Variants in PDE4DIP observed in about 807,000 individuals in gnomAD.
PDE4DIP encodes phosphodiesterase 4D interacting protein, also known as myomegalin.
Under a neutral mutation model 221.4 loss-of-function variants are expected in PDE4DIP, and 59 were observed. The ratio of observed to expected loss-of-function variants is 0.27; its 90% CI spans 0.22 to 0.33. The LOEUF is 0.33. Ranked by LOEUF, PDE4DIP falls within the 10% of genes least tolerant of loss-of-function variation. PDE4DIP has a pLI of 1.00. For missense variants in PDE4DIP, 1,036 were observed against 2,154.2 expected (o/e 0.48, Z 10.28); for synonymous variants, 404 against 815.9 (o/e 0.50, Z 8.60).
Position 148,952,603 on chromosome 1 carries a change from G to T in PDE4DIP, c.637-8051G>T. 7 of 1,393,246 alleles carry T rather than the reference G, an allele frequency of 5.0e-6. No individual in the cohort carries two copies. The South Asian group carries it at 1.2e-4, about 24-fold the overall frequency. The allele number at this position is 1,393,246 out of a possible 1,614,324, so 86.3% of individuals were successfully genotyped here. A position where few individuals can be genotyped will look rare whatever the true frequency, so the allele number is the denominator to read the frequency against. ...GGCGGGGCTGACGGCTCTGGTACCC[G>T]GAGTCGGCGCGCGGGGCAGGGGCGC... On this transcript the variant is annotated intron_variant, in intron 5 of 43. Coordinates refer to ENST00000369354, the Ensembl canonical transcript of PDE4DIP.
At chr1:148,975,491 C>T (rs1228859066) in intron 17 of PDE4DIP, among the ~76,000 whole-genome samples, 10 of 151,330 alleles carry the variant, frequency 6.6e-5, no homozygotes, top group Non-Finnish European at 1.0e-4. Context: ...AATGCCAGAG[C>T]TATGATTCAA....
intron 5 of PDE4DIP, among the ~76,000 whole-genome samples, chr1:148,940,859 A>C (rs1279164475): frequency 6.6e-6 from 1 of 152,098 alleles, no homozygotes; most frequent in East Asian, 1.9e-4. Flanking sequence ...GGAAAAATTT[A>C]GTGTAAATTA....
At chr1:148,965,403 C>G (rs113069591) in intron 9 of PDE4DIP, 81 bp from the exon 13 acceptor site, 1 of 821,494 alleles carries the variant, frequency 1.2e-6, no homozygotes, top group Non-Finnish European at 2.0e-6. Flanking sequence ...GTTTATATAC[C>G]TTGAAAATTT....
chr1:149,025,380 A>G (rs1240715514), intron 38 of PDE4DIP, among the ~76,000 whole-genome samples: 1 of 151,762 alleles, frequency 6.6e-6, no homozygotes, highest in African/African-American at 2.4e-5. Flanking sequence ...CCTGCCCCTA[A>G]GGAAACAGGG....
At position 148,911,989 on chromosome 1, in the gene PDE4DIP, G is replaced by A. The variant is rs112259816; in HGVS notation, c.142-17208G>A. Among the ~76,000 whole-genome samples the A allele has an allele frequency of 2.1e-3, 301 of 146,710 alleles. 26 individuals carry two copies. The highest frequency in any genetic ancestry group is 6.5e-3 in the African/African-American group (252 of 38,878). ...ATATTCTATTGGTTAGAAATAAGTCGCAGGGCCTGCTCATACCCAAAGAGA... is the reference window on the plus strand; with the variant it reads ...ATATTCTATTGGTTAGAAATAAGTCACAGGGCCTGCTCATACCCAAAGAGA... On this transcript the variant is annotated intron_variant, in intron 1 of 43. Transcript: ENST00000369354.
exon 44 of PDE4DIP, chr1:149,032,073 A>G: frequency 1.2e-6 from 2 of 1,608,808 alleles, no homozygotes; most frequent in African/African-American, 1.3e-5. Flanking sequence ...CCTTTTGTGC[A>G]GCTACCTATC....
Position 148,912,075 on chromosome 1 carries a change from T to C in PDE4DIP, c.142-17122T>C, listed in dbSNP as rs181025358. On this transcript the variant is annotated intron_variant, in intron 1 of 43. Transcript: ENST00000369354. ...GGATCATGGGGAGCCACACGGTAGTTTGTGGACCACACTACCTTTTACTTT... is the reference window on the plus strand; with the variant it reads ...GGATCATGGGGAGCCACACGGTAGTCTGTGGACCACACTACCTTTTACTTT... Among the ~76,000 whole-genome samples, 379 of 145,796 alleles carry C rather than the reference T, an allele frequency of 2.6e-3. 1 individual carries two copies. Among genetic ancestry groups the C allele is most frequent in the African/African-American group, 9.6e-3 (368 of 38,500 alleles).
rs372102761 is a variant in PDE4DIP, at chr1:148,981,143, C to T, written c.2688-127C>T. 21 of 808,092 alleles carry T rather than the reference C, an allele frequency of 2.6e-5. No homozygotes were observed. In the East Asian group the frequency reaches 3.0e-4, roughly 11 times the overall value. 50.1% of individuals were successfully genotyped at this position (808,092 alleles called of 1,614,324 possible). On this transcript the variant is annotated intron_variant, in intron 20 of 43. Coordinates refer to ENST00000369354, the Ensembl canonical transcript of PDE4DIP. Reference sequence around the variant, plus strand: ...CAAAGACTACATTCATTTATTGTGTCCTGGAGAACAATTACTTTACAAAGT... The same window carrying T: ...CAAAGACTACATTCATTTATTGTGTTCTGGAGAACAATTACTTTACAAAGT...
chr1:148,995,780 T>G (rs2064053838), intron 22 of PDE4DIP, among the ~76,000 whole-genome samples: 1 of 151,506 alleles, frequency 6.6e-6, no homozygotes, highest in African/African-American at 2.4e-5. Flanking sequence ...GCATTTACAT[T>G]TAAAACTTAA....
chr1:148,982,070 A>AT (rs1553543980), intron 21 of PDE4DIP: 1 of 153,052 alleles, frequency 6.5e-6, no homozygotes, highest in African/African-American at 2.4e-5. Context: ...GAAAGTGATC[A>AT]TAGTCAACTT....
At chr1:148,939,726 G>A (rs1255812631) in intron 5 of PDE4DIP, 6 of 152,196 alleles carry the variant, frequency 3.9e-5, no homozygotes, top group Admixed American at 3.9e-4. Flanking sequence ...AAGCTCAACT[G>A]AGAATAAGAA....
chr1:148,862,282 G>T (rs1202352592), intron 1 of PDE4DIP, among the ~76,000 whole-genome samples: 6 of 150,552 alleles, frequency 4.0e-5, no homozygotes, highest in African/African-American at 1.5e-4. Context: ...TGTCTGTTTT[G>T]CTCACTGCTA....
rs1301430047 is a variant in PDE4DIP at position 148,820,817 on chromosome 1, C to T, written c.233+12080C>T. Among the ~76,000 whole-genome samples the T allele has an allele frequency of 2.8e-5, 4 of 143,720 alleles. No individual in the cohort carries two copies. The East Asian group carries it at 8.1e-4, about 29-fold the overall frequency. 94.3% of individuals were successfully genotyped at this position (143,720 alleles called of 152,430 possible). On this transcript the variant is annotated intron_variant, in intron 1 of 45. Coordinates refer to the PDE4DIP transcript ENST00000524974. ...CTAAATGATAATCTTGAGACCCACA[C>T]GAGGATGATCTGATTATTTATTTAT... is the stretch of plus-strand genomic sequence containing the variant.
exon 18 of PDE4DIP, chr1:148,977,976 G>A: frequency 1.2e-6 from 2 of 1,614,128 alleles, no homozygotes; most frequent in Non-Finnish European, 1.7e-6. Flanking sequence ...GGCTGTGCAG[G>A]AAGAAGAGCT....
At chr1:148,824,377 T>C (rs1350682372) in intron 1 of PDE4DIP, among the ~76,000 whole-genome samples, 1 of 149,864 alleles carries the variant, frequency 6.7e-6, no homozygotes, top group African/African-American at 2.5e-5. Context: ...AAAGAGAGCA[T>C]GCATACTCCA....
rs1350938150 is a variant in PDE4DIP at position 149,020,738 on chromosome 1, A to C, written c.5961-291A>C. 8.4e-5 allele frequency: 35 copies of C among 417,602 alleles called. No individual in the cohort carries two copies. The East Asian group carries it at 9.8e-4, about 12-fold the overall frequency. 25.9% of individuals were successfully genotyped at this position (417,602 alleles called of 1,614,324 possible). On this transcript the variant is annotated intron_variant, in intron 36 of 43. Coordinates refer to ENST00000369354, the Ensembl canonical transcript of PDE4DIP. ...AACTGCTTGTCAGAATGCAAAGAGC[A>C]CTGTAGGAACAGTAAGGAGACTGTG...
upstream of PDE4DIP, among the ~76,000 whole-genome samples, chr1:148,884,890 T>G (rs1572635994): frequency 7.0e-6 from 1 of 142,240 alleles, no homozygotes; most frequent in African/African-American, 2.6e-5. Flanking sequence ...TTTATTTTAC[T>G]TATAATCTTT....
intron 21 of PDE4DIP, among the ~76,000 whole-genome samples, chr1:148,988,101 A>G (rs782337095): frequency 1.3e-5 from 2 of 152,156 alleles, no homozygotes; most frequent in East Asian, 3.8e-4. Flanking sequence ...TGTCATTTCA[A>G]GCCTCCTGCT....
intron 1 of PDE4DIP, among the ~76,000 whole-genome samples, chr1:148,924,775 G>A (rs1167828673): frequency 1.3e-5 from 2 of 151,306 alleles, no homozygotes; most frequent in Non-Finnish European, 2.9e-5. Context: ...TTGACAAAGA[G>A]CCAAGAAGAC....
Sources: allele counts gnomAD v4.1 joint callset (sites outside exome capture counted in the v4.1 genomes callset), GRCh38; gene constraint gnomAD v4.1.1; transcripts MANE v1.5; gene names NCBI Gene and HGNC (gene_info 2026-07-23, HGNC 2026-07-21).